MTMR12: variants seen among roughly 807,000 people sequenced by gnomAD.
MTMR12 encodes the protein myotubularin-related protein 12.
Under a neutral mutation model 96.7 loss-of-function variants are expected in MTMR12, and 33 were observed. The observed-to-expected ratio is 0.34, with a 90% CI of 0.26 to 0.46. The LOEUF (loss-of-function observed/expected upper bound fraction) is 0.46. MTMR12 is among the 20% of genes least tolerant of loss of function. MTMR12 has a pLI of 1.00. For synonymous variants in MTMR12, 298 were observed against 327.2 expected, an observed-to-expected ratio of 0.91 and a Z score of 0.96; for missense variants, 721 against 896.1, an observed-to-expected ratio of 0.80 and a Z score of 2.49.
At chr5:32,302,219 T>C (rs1438908221) in intron 1 of MTMR12, among the ~76,000 whole-genome samples, 4 of 152,250 alleles carry the variant, frequency 2.6e-5, no homozygotes, top group Non-Finnish European at 4.4e-5. Context: ...GCTATTATTT[T>C]AGGAAAAGCA....
chr5:32,262,564 C>T (rs1395108998), intron 7 of MTMR12, among the ~76,000 whole-genome samples: 2 of 152,180 alleles, frequency 1.3e-5, no homozygotes, highest in African/African-American at 2.4e-5. Context: ...CACCACTGCA[C>T]TCCAGCATGG....
intron 1 of MTMR12, among the ~76,000 whole-genome samples, chr5:32,305,162 C>T (rs776395739): frequency 1.3e-5 from 2 of 152,092 alleles, no homozygotes; most frequent in Non-Finnish European, 2.9e-5. Context: ...GATCTTGGCT[C>T]ACTGCAACCT....
rs763271259 is a variant in MTMR12, at chr5:32,233,163, G to T, written c.1674+610C>A. On this transcript the variant is annotated intron_variant, in intron 15 of 15. Coordinates refer to ENST00000382142, the MANE Select transcript of MTMR12 (RefSeq NM_001040446.3). The surrounding 1 kb of genome is among the most constrained non-coding windows in gnomAD (Gnocchi z 5.0). ...CAAATCTGGCCTGGCGCCTGTTCTC[G>T]TAAACACTGGAACACAGCTATGCCT... 1.8e-5 allele frequency: 4 copies of T among 225,606 alleles called. No individual in the cohort carries two copies. Among genetic ancestry groups the T allele is most frequent in the Non-Finnish European group, 2.9e-5 (4 of 135,712 alleles). 14.0% of individuals were successfully genotyped at this position (225,606 alleles called of 1,614,324 possible).
intron 1 of MTMR12, chr5:32,296,494 GAA>G: frequency 1.4e-5 from 5 of 353,480 alleles, no homozygotes; most frequent in Admixed American, 3.0e-5. Flanking sequence ...AAAGAAACGA[GAA>G]AAAAAAAGGT....
At chr5:32,248,576 C>T (rs1239138317) in intron 9 of MTMR12, among the ~76,000 whole-genome samples, 196 bp downstream of exon 9, 6 of 152,146 alleles carry the variant, frequency 3.9e-5, no homozygotes, top group South Asian at 4.1e-4. Flanking sequence ...CCTCTAAAAA[C>T]GACGCAGGTG....
chr5:32,268,763 G>A lies in MTMR12; in HGVS notation c.521C>T (p.Ala174Val). The change falls in exon 6 of 16, where the codon GCT becomes GTT. Residue 174 changes from alanine (A) to valine (V), a missense_variant. Transcript: ENST00000382142. ...AAATAATCGTTTAAGCAGTTTAGGA[G>A]CCTGGGTATGATGAATTATGCCACT... Reference protein sequence around the residue: ...IVSGIIHHTQAPKLLKRLFLF... With the variant: ...IVSGIIHHTQVPKLLKRLFLF... 3 of 1,613,882 alleles carry A rather than the reference G, an allele frequency of 1.9e-6. No homozygotes were observed. The highest frequency in any genetic ancestry group is 2.5e-6 in the Non-Finnish European group (3 of 1,179,786).
In MTMR12 at chr5:32,312,321, G is replaced by T. The variant is rs1309206701; in HGVS notation, c.81+437C>A. On this transcript the variant is annotated intron_variant, in intron 1 of 15. Coordinates refer to ENST00000382142, the MANE Select transcript of MTMR12 (RefSeq NM_001040446.3). The surrounding 1 kb of genome is among the most constrained non-coding windows in gnomAD (Gnocchi z 5.0). ...CCGCACCCGAGGCACTCAGACGCAG[G>T]CAGCGGAGGCCGGCGGGCTTCTGGG... Among the ~76,000 whole-genome samples the T allele has an allele frequency of 6.6e-6, 1 of 152,212 alleles. No homozygotes were observed. The highest frequency in any genetic ancestry group is 1.5e-5 in the Non-Finnish European group (1 of 68,042).
chr5:32,258,503 T>A (rs866316257), intron 7 of MTMR12, among the ~76,000 whole-genome samples: 6 of 152,090 alleles, frequency 3.9e-5, no homozygotes, highest in African/African-American at 7.2e-5. Flanking sequence ...AGGTAAGCAG[T>A]TGGGATGAAC....
intron 6 of MTMR12, among the ~76,000 whole-genome samples, chr5:32,267,226 A>T (rs1020230858): frequency 6.6e-6 from 1 of 151,932 alleles, no homozygotes; most frequent in East Asian, 1.9e-4. Context: ...AAATACAAAA[A>T]TTAGCCGGGC....
At chr5:32,278,430 T>G (rs1216027816) in intron 1 of MTMR12, among the ~76,000 whole-genome samples, 1 of 152,196 alleles carries the variant, frequency 6.6e-6, no homozygotes, top group Non-Finnish European at 1.5e-5. Context: ...TTTTCTGAAT[T>G]TGTTAATTCA....
chr5:32,235,256 A>C (rs1748170214), intron 13 of MTMR12, 127 bp from the exon 14 acceptor site: 2 of 787,616 alleles, frequency 2.5e-6, no homozygotes. Context: ...TGGGAAACAC[A>C]GAATACTCCA....
chr5:32,264,044 A>C (rs1246028616), intron 6 of MTMR12, among the ~76,000 whole-genome samples: 3 of 152,190 alleles, frequency 2.0e-5, no homozygotes, highest in Non-Finnish European at 4.4e-5. Flanking sequence ...GAAGGCCATA[A>C]ACAGATGATG....
rs1025333247 is a variant in MTMR12, at chr5:32,228,757, T to C, written c.*1021A>G. 1 of 151,734 alleles carries C rather than the reference T, an allele frequency of 6.6e-6. No individual in the cohort carries two copies. Among genetic ancestry groups the C allele is most frequent in the Non-Finnish European group, 1.5e-5 (1 of 67,926 alleles). 9.4% of individuals were successfully genotyped at this position (151,734 alleles called of 1,614,324 possible). ...TGATAATCATCACTTCTGATATTTA[T>C]GTTTAAGCTGCTTTCCTATGAAAGC... is the stretch of plus-strand genomic sequence containing the variant. On this transcript the variant is annotated 3_prime_UTR_variant, in exon 16 of 16. Coordinates refer to ENST00000382142, the MANE Select transcript of MTMR12 (RefSeq NM_001040446.3).
intron 6 of MTMR12, among the ~76,000 whole-genome samples, chr5:32,266,043 C>T (rs1031411898): frequency 2.0e-5 from 3 of 152,100 alleles, no homozygotes; most frequent in South Asian, 2.1e-4. Context: ...TCTCTATACA[C>T]GCCAATCCCT....
intron 8 of MTMR12, among the ~76,000 whole-genome samples, chr5:32,250,919 A>G (rs571113918): frequency 3.9e-5 from 6 of 152,182 alleles, no homozygotes; most frequent in Admixed American, 3.3e-4. Context: ...TGTTGCTGCA[A>G]TTTCTCTCTG....
chr5:32,312,935 G>C lies in MTMR12; in HGVS notation c.-97C>G. 8.5e-7 allele frequency: 1 copy of C among 1,174,188 alleles called. No individual in the cohort carries two copies. Among genetic ancestry groups the C allele is most frequent in the East Asian group, 3.2e-5 (1 of 30,814 alleles). The allele number at this position is 1,174,188 out of a possible 1,614,324, so 72.7% of individuals were successfully genotyped here. A position where few individuals can be genotyped will look rare whatever the true frequency, so the allele number is the denominator to read the frequency against. ...GCGGCCACCAGCACTAGCGGCTGGGGCTCCGCCCATCCCCAAGGCCGCGAC... is the reference window on the plus strand; with the variant it reads ...GCGGCCACCAGCACTAGCGGCTGGGCCTCCGCCCATCCCCAAGGCCGCGAC... On this transcript the variant is annotated 5_prime_UTR_variant, in exon 1 of 16. Coordinates refer to ENST00000382142, the MANE Select transcript of MTMR12 (RefSeq NM_001040446.3). This position sits in a 1 kb window ranked among gnomAD's most constrained non-coding sequence, Gnocchi z 5.0.
At chr5:32,274,940 CA>C (rs1749993265) in intron 2 of MTMR12, among the ~76,000 whole-genome samples, 1 of 151,784 alleles carries the variant, frequency 6.6e-6, no homozygotes, top group South Asian at 2.1e-4. Flanking sequence ...CGGGGGCAGG[CA>C]AAAGAGAAGA....
intron 3 of MTMR12, among the ~76,000 whole-genome samples, chr5:32,273,042 C>T (rs954504624): frequency 6.6e-6 from 1 of 152,112 alleles, no homozygotes; most frequent in African/African-American, 2.4e-5. Flanking sequence ...CTCTCCTTAC[C>T]TGATTGCTCA....
rs1453280699 is a variant in MTMR12, at chr5:32,267,371, A to C, written c.583+1330T>G. On this transcript the variant is annotated intron_variant, in intron 6 of 15. Transcript: ENST00000382142. ...AGCCTGGGCGACAGTGGGAGACTCC[A>C]TCTCAGAAAAAAAAAAAAAAAAAAA... Among the ~76,000 whole-genome samples the C allele has an allele frequency of 2.2e-5, 3 of 136,042 alleles. No homozygotes were observed. In the East Asian group the frequency reaches 7.1e-4, roughly 32 times the overall value. 89.2% of individuals were successfully genotyped at this position (136,042 alleles called of 152,430 possible).
Sources: gnomAD v4.1 joint callset for allele counts (sites outside exome capture counted in the v4.1 genomes callset) on GRCh38, gnomAD v4.1.1 for gene constraint, Gnocchi (gnomAD v3.1) non-coding constraint, MANE v1.5 for transcripts, NCBI Gene and HGNC (gene_info 2026-07-23, HGNC 2026-07-21) for gene names.